DAZAP1: variants seen among roughly 807,000 people sequenced by gnomAD.
DAZAP1 encodes the protein DAZ associated protein 1.
In DAZAP1, 6 loss-of-function variants were observed where a neutral mutation model predicts 60.1. The observed-to-expected ratio is 0.10, with a 90% CI of 0.05 to 0.20. The LOEUF (loss-of-function observed/expected upper bound fraction) is 0.20, where lower values mean the gene tolerates loss of function less well. DAZAP1 is among the 10% of genes least tolerant of loss of function. DAZAP1 has a pLI of 1.00. For synonymous variants in DAZAP1, 235 were observed against 215.9 expected (o/e 1.09, Z -0.78); for missense variants, 366 against 560.4 (o/e 0.65, Z 3.50).
intron 1 of DAZAP1, chr19:1,417,026 T>G: frequency 4.8e-6 from 1 of 210,118 alleles, no homozygotes; most frequent in South Asian, 6.2e-5. Context: ...CTTCTGTCTG[T>G]GTCCCCCCAC....
At position 1,418,835 on chromosome 19, in the gene DAZAP1, A is replaced by G; in HGVS notation, c.303+104A>G. On this transcript the variant is annotated intron_variant, in intron 4 of 11. Coordinates refer to ENST00000233078, the MANE Select transcript of DAZAP1 (RefSeq NM_018959.4). The surrounding 1 kb of genome is among the most constrained non-coding windows in gnomAD (Gnocchi z 5.7). ...TTGTCGCTCGTTAAGATTGAGGGCG[A>G]CGCAGGTCTTCTGGGTTGGCACTCG... 8.1e-7 allele frequency: 1 copy of G among 1,231,634 alleles called. No homozygotes were observed. The highest frequency in any genetic ancestry group is 1.1e-6 in the Non-Finnish European group (1 of 880,724). 76.3% of individuals were successfully genotyped at this position (1,231,634 alleles called of 1,614,324 possible).
chr19:1,420,991 C>T (rs2083138887), intron 4 of DAZAP1, among the ~76,000 whole-genome samples, 157 bp from the exon 5 acceptor site: 1 of 152,232 alleles, frequency 6.6e-6, no homozygotes, highest in Non-Finnish European at 1.5e-5. Flanking sequence ...CTCAGCAGAG[C>T]CCAGTGTCTT....
rs948046076 is a variant in DAZAP1, at chr19:1,423,974, G to A, written c.463+1578G>A. 6.6e-6 allele frequency among the ~76,000 whole-genome samples: 1 copy of A among 152,218 alleles called. No homozygotes were observed. The highest frequency in any genetic ancestry group is 2.4e-5 in the African/African-American group (1 of 41,446). On this transcript the variant is annotated intron_variant, in intron 6 of 11. Transcript: ENST00000233078. This position sits in a 1 kb window ranked among gnomAD's most constrained non-coding sequence, Gnocchi z 6.8. ...GTGTCCCTTGGGTGTCAGGCGAGTG[G>A]AGGGCCGGAGAGACGCTGCGGCGCT... is the stretch of plus-strand genomic sequence containing the variant.
At chr19:1,431,591 G>T (rs746493549) in intron 10 of DAZAP1, among the ~76,000 whole-genome samples, 1 of 152,058 alleles carries the variant, frequency 6.6e-6, no homozygotes, top group Non-Finnish European at 1.5e-5. Context: ...CACCACGCCC[G>T]GCTAATTTTG....
chr19:1,417,053 A>T, intron 1 of DAZAP1: 3 of 143,302 alleles, frequency 2.1e-5, no homozygotes, highest in South Asian at 1.8e-4. Context: ...CCCAGGCTGT[A>T]ATTCAGAGGC....
intron 1 of DAZAP1, among the ~76,000 whole-genome samples, chr19:1,409,049 C>T: frequency 6.6e-6 from 1 of 152,206 alleles, no homozygotes; most frequent in African/African-American, 2.4e-5. Context: ...ATGGGAAATG[C>T]CTTTTGTGGG....
chr19:1,411,393 G>A (rs1339047231), intron 1 of DAZAP1, among the ~76,000 whole-genome samples: 1 of 152,208 alleles, frequency 6.6e-6, no homozygotes, highest in African/African-American at 2.4e-5. Flanking sequence ...TGTCCTGCTG[G>A]GGGGAGAGCC....
intron 1 of DAZAP1, among the ~76,000 whole-genome samples, chr19:1,413,776 C>G (rs2082894525): frequency 6.6e-6 from 1 of 152,194 alleles, no homozygotes; most frequent in Non-Finnish European, 1.5e-5. Flanking sequence ...GTTGCTGTCT[C>G]AGATTCCATA....
intron 5 of DAZAP1, among the ~76,000 whole-genome samples, chr19:1,421,495 C>G (rs2083154626): frequency 2.6e-5 from 4 of 152,268 alleles, no homozygotes; most frequent in Non-Finnish European, 5.9e-5. Flanking sequence ...AGCCTGACAG[C>G]CTTCAGGGCG....
chr19:1,418,277 C>T lies in DAZAP1; in HGVS notation c.144C>T (p.Asn48=), dbSNP rs779460705. Reference sequence around the variant, plus strand: ...TTATCATGAAAGATAAAACCACCAACCAGTCTCGAGGCTTTGGGTTTGTCA... The same window carrying T: ...TTATCATGAAAGATAAAACCACCAATCAGTCTCGAGGCTTTGGGTTTGTCA... ...DCVIMKDKTT[N]QSRGFGFVKF... is the part of the protein sequence containing the mutation. The change falls in exon 3 of 12, where the codon AAC becomes AAT. Residue 48 remains asparagine (N), a synonymous_variant. Coordinates refer to ENST00000233078, the MANE Select transcript of DAZAP1 (RefSeq NM_018959.4). The surrounding 1 kb of genome is among the most constrained non-coding windows in gnomAD (Gnocchi z 5.7). 5 of 1,614,090 alleles carry T rather than the reference C, an allele frequency of 3.1e-6. No individual in the cohort carries two copies. In the South Asian group the frequency reaches 4.4e-5, roughly 14 times the overall value.
intron 1 of DAZAP1, among the ~76,000 whole-genome samples, chr19:1,414,032 T>TG (rs1600190557): frequency 1.6e-4 from 24 of 149,382 alleles, no homozygotes; most frequent in Admixed American, 9.3e-4. Context: ...TGTGTGTGTG[T>TG]TTAGATGGAC....
intron 1 of DAZAP1, among the ~76,000 whole-genome samples, chr19:1,409,111 G>A (rs773432217): frequency 2.0e-5 from 3 of 152,236 alleles, no homozygotes; most frequent in African/African-American, 4.8e-5. Context: ...GGAGAACCAG[G>A]ATGAAAGCAC....
chr19:1,415,099 C>T (rs1461439381), intron 1 of DAZAP1, among the ~76,000 whole-genome samples: 1 of 152,134 alleles, frequency 6.6e-6, no homozygotes, highest in East Asian at 1.9e-4. Context: ...TATCTAACCC[C>T]CCCGGCCCTG....
chr19:1,427,036 A>G (rs1403110375), intron 7 of DAZAP1: 1 of 152,208 alleles, frequency 6.6e-6, no homozygotes, highest in East Asian at 1.9e-4. Context: ...TTATTTTTGT[A>G]TACACGTGGC....
At position 1,435,083 on chromosome 19, in the gene DAZAP1, A is replaced by C; in HGVS notation, c.*171A>C. The C allele has an allele frequency of 2.1e-6, 1 of 470,442 alleles. No homozygotes were observed. Among genetic ancestry groups the C allele is most frequent in the Non-Finnish European group, 3.5e-6 (1 of 287,752 alleles). 29.1% of individuals were successfully genotyped at this position (470,442 alleles called of 1,614,324 possible). A position where few individuals can be genotyped will look rare whatever the true frequency, so the allele number is the denominator to read the frequency against. ...GGTGTCGTCTGGACTGAGGTTTTTA[A>C]ATATTTCTTTCTCTAACCCATCAGC... On this transcript the variant is annotated 3_prime_UTR_variant, in exon 12 of 12. Transcript: ENST00000233078.
chr19:1,432,874 G>A lies in DAZAP1; in HGVS notation c.1048+184G>A. On this transcript the variant is annotated intron_variant, in intron 11 of 11. Transcript: ENST00000233078. The surrounding 1 kb of genome is among the most constrained non-coding windows in gnomAD (Gnocchi z 4.9). ...TCGTGGCAACTCGGGTCCAGCAGAA[G>A]GGAGCGTGGGAGTCTTGTCGCAGCA... 3.2e-6 allele frequency: 2 copies of A among 626,240 alleles called. No homozygotes were observed. Among genetic ancestry groups the A allele is most frequent in the South Asian group, 4.0e-5 (2 of 49,428 alleles). 38.8% of individuals were successfully genotyped at this position (626,240 alleles called of 1,614,324 possible).
At position 1,425,578 on chromosome 19, in the gene DAZAP1, C is replaced by G. The variant is rs1438700293; in HGVS notation, c.464-300C>G. ...CGCTGCTGTTTTATAAGATGTGCTC[C>G]TTGTTCCAAATCTTTGTGACACGGA... On this transcript the variant is annotated intron_variant, in intron 6 of 11. Transcript: ENST00000233078. The surrounding 1 kb of genome is among the most constrained non-coding windows in gnomAD (Gnocchi z 5.4). Among the ~76,000 whole-genome samples, 1 of 152,242 alleles carries G rather than the reference C, an allele frequency of 6.6e-6. No individual in the cohort carries two copies.
At position 1,432,779 on chromosome 19, in the gene DAZAP1, C is replaced by A; in HGVS notation, c.1048+89C>A. ...CTTCTGCTTCCTCCCCTGCTGGACG[C>A]TCCCCAGCCTTTACCTGGTGGGAAA... is the stretch of plus-strand genomic sequence containing the variant. On this transcript the variant is annotated intron_variant, in intron 11 of 11. Transcript: ENST00000233078. The surrounding 1 kb of genome is among the most constrained non-coding windows in gnomAD (Gnocchi z 4.9). 2 of 1,408,446 alleles carry A rather than the reference C, an allele frequency of 1.4e-6. No individual in the cohort carries two copies. The highest frequency in any genetic ancestry group is 1.9e-6 in the Non-Finnish European group (2 of 1,037,104). The allele number at this position is 1,408,446 out of a possible 1,614,324, so 87.2% of individuals were successfully genotyped here. A position where few individuals can be genotyped will look rare whatever the true frequency, so the allele number is the denominator to read the frequency against.
At chr19:1,430,404 C>T (rs771081462) in intron 10 of DAZAP1, 42 bp downstream of exon 10, 22 of 1,459,192 alleles carry the variant, frequency 1.5e-5, no homozygotes, top group South Asian at 1.0e-4. Context: ...CCGCCTGCTC[C>T]GGAGATGCCA....
Sources: allele counts gnomAD v4.1 joint callset (sites outside exome capture counted in the v4.1 genomes callset), GRCh38; gene constraint gnomAD v4.1.1; non-coding constraint Gnocchi (gnomAD v3.1); transcripts MANE v1.5; gene names NCBI Gene and HGNC (gene_info 2026-07-23, HGNC 2026-07-21).